Variants in DCAF1 observed in about 807,000 individuals in gnomAD.
The protein encoded by DCAF1 is DDB1- and CUL4-associated factor 1.
Under a neutral mutation model 128.0 loss-of-function variants are expected in DCAF1, and 15 were observed. That is an observed-to-expected ratio of 0.12 (90% CI 0.08 to 0.18). DCAF1 has a LOEUF of 0.18. DCAF1 is among the 10% of genes least tolerant of loss of function. The pLI, the probability that DCAF1 is intolerant of heterozygous loss-of-function variation, is 1.00. For synonymous variants in DCAF1, 610 were observed against 603.0 expected, an observed-to-expected ratio of 1.01 and a Z score of -0.17; for missense variants, 988 against 1,649.5, an observed-to-expected ratio of 0.60 and a Z score of 6.95.
At chr3:51,444,892 G>A (rs375900171) in intron 6 of DCAF1, among the ~76,000 whole-genome samples, 6 of 146,988 alleles carry the variant, frequency 4.1e-5, no homozygotes, top group African/African-American at 1.3e-4. Context: ...AGCCAGGATG[G>A]TCTCGATCTC....
chr3:51,426,870 C>T (rs1282093564), intron 13 of DCAF1, among the ~76,000 whole-genome samples: 1 of 152,170 alleles, frequency 6.6e-6, no homozygotes, highest in African/African-American at 2.4e-5. Context: ...ATAGAACCTA[C>T]CCAGTTTCCT....
intron 6 of DCAF1, among the ~76,000 whole-genome samples, chr3:51,447,380 A>C (rs1701980448): frequency 6.6e-6 from 1 of 152,086 alleles, no homozygotes; most frequent in Admixed American, 6.6e-5. Flanking sequence ...ACTGCACTCC[A>C]ACCTAGGTGA....
At chr3:51,428,235 G>C (rs1700067353) in intron 12 of DCAF1, among the ~76,000 whole-genome samples, 2 of 151,006 alleles carry the variant, frequency 1.3e-5, no homozygotes, top group South Asian at 4.2e-4. Context: ...AGACTGGAGT[G>C]CCATAGCCCG....
intron 18 of DCAF1, among the ~76,000 whole-genome samples, chr3:51,415,958 A>T (rs1209737215): frequency 1.3e-5 from 2 of 151,912 alleles, no homozygotes; most frequent in African/African-American, 2.4e-5. Context: ...ATGTGTCCAA[A>T]ATCCCAGGGC....
At chr3:51,416,994 C>T in intron 17 of DCAF1, 123 bp from the exon 18 acceptor site, 1 of 1,435,826 alleles carries the variant, frequency 7.0e-7, no homozygotes. Flanking sequence ...TCCTGGACTC[C>T]CAAAGAGGAA....
chr3:51,488,587 G>A (rs1707248192), intron 2 of DCAF1, among the ~76,000 whole-genome samples: 1 of 152,196 alleles, frequency 6.6e-6, no homozygotes, highest in Non-Finnish European at 1.5e-5. Flanking sequence ...CAGATCACCT[G>A]AGGTCAGGGG....
chr3:51,403,371 C>T lies in DCAF1; in HGVS notation c.4237G>A (p.Asp1413Asn). ...DQEEEEQEEE[D>N]DDEDDDDTDD... is the part of the protein sequence containing the mutation. Reference sequence around the variant, plus strand: ...GTGTCATCATCATCTTCATCATCATCTTCTTCCTCCTGTTCTTCCTCTTCC... The same window carrying T: ...GTGTCATCATCATCTTCATCATCATTTTCTTCCTCCTGTTCTTCCTCTTCC... Residue 1413 changes from aspartate (D) to asparagine (N), a missense_variant, in exon 24 of 25, where the codon GAT becomes AAT. Asp to Asn is a conservative substitution (Grantham distance 23). Around this residue, in one of 11 missense-constraint regions of DCAF1, gnomAD observed 97 missense variants for 134.5 expected, o/e 0.72. Transcript: ENST00000684031. The T allele has an allele frequency of 6.4e-7, 1 of 1,552,670 alleles. No homozygotes were observed. The highest frequency in any genetic ancestry group is 8.7e-7 in the Non-Finnish European group (1 of 1,147,370).
intron 13 of DCAF1, among the ~76,000 whole-genome samples, chr3:51,425,414 G>A (rs1699812431): frequency 6.6e-6 from 1 of 151,988 alleles, no homozygotes; most frequent in Non-Finnish European, 1.5e-5. Flanking sequence ...GGAGGTTGGA[G>A]TGAGCCAAGA....
At chr3:51,419,404 C>T (rs535519188) in intron 15 of DCAF1, among the ~76,000 whole-genome samples, 1 of 151,910 alleles carries the variant, frequency 6.6e-6, no homozygotes, top group Admixed American at 6.6e-5. Context: ...GATCCCGTAA[C>T]CTTTATGTAA....
At chr3:51,471,482 C>A (rs1410236901) in intron 3 of DCAF1, among the ~76,000 whole-genome samples, 1 of 151,764 alleles carries the variant, frequency 6.6e-6, no homozygotes, top group East Asian at 1.9e-4. Flanking sequence ...CACACCTGGC[C>A]CCCAAACTCA....
At chr3:51,476,683 C>T (rs1267592157) in intron 3 of DCAF1, among the ~76,000 whole-genome samples, 1 of 151,388 alleles carries the variant, frequency 6.6e-6, no homozygotes, top group Non-Finnish European at 1.5e-5. Context: ...CAAGACCATC[C>T]TGGCTAACAC....
intron 4 of DCAF1, among the ~76,000 whole-genome samples, chr3:51,469,221 ATT>A (rs781851604): frequency 4.9e-4 from 57 of 116,714 alleles, no homozygotes; most frequent in African/African-American, 1.7e-3. Context: ...CCACACACAA[ATT>A]TTTTTTTTTT....
At chr3:51,488,760 G>A (rs138944326) in intron 2 of DCAF1, among the ~76,000 whole-genome samples, 2,370 of 151,668 alleles carry the variant, frequency 0.016, 53 homozygotes, top group African/African-American at 0.054. Flanking sequence ...CCAAGATCGC[G>A]CCACTGCACT....
At chr3:51,476,896 A>G (rs1386647000) in intron 3 of DCAF1, among the ~76,000 whole-genome samples, 1 of 151,916 alleles carries the variant, frequency 6.6e-6, no homozygotes, top group African/African-American at 2.4e-5. Context: ...AGCCTGGCCA[A>G]CGTGGTAAAA....
chr3:51,473,595 A>C (rs1296498559), intron 3 of DCAF1, among the ~76,000 whole-genome samples: 1 of 151,436 alleles, frequency 6.6e-6, no homozygotes, highest in East Asian at 1.9e-4. Flanking sequence ...GGCTCACTGA[A>C]GCCTCAACAT....
chr3:51,432,267 T>TAAAAAAAAAAA (rs879192648), intron 10 of DCAF1, among the ~76,000 whole-genome samples: 3 of 99,034 alleles, frequency 3.0e-5, no homozygotes, highest in Non-Finnish European at 5.7e-5. Flanking sequence ...CAAGATTCTG[T>TAAAAAAAAAAA]AAAAAAAAAA....
chr3:51,446,999 T>TAATAATAATAATAATAAAAAA (rs370193180), intron 6 of DCAF1, among the ~76,000 whole-genome samples: 1 of 148,138 alleles, frequency 6.8e-6, no homozygotes, highest in African/African-American at 2.5e-5. Context: ...ATAATAATAA[T>TAATAATAATAATAATAAAAAA]AAAATGTTTT....
intron 7 of DCAF1, among the ~76,000 whole-genome samples, chr3:51,442,274 T>C (rs1399292942): frequency 3.3e-5 from 5 of 152,216 alleles, no homozygotes; most frequent in African/African-American, 1.2e-4. Flanking sequence ...AACTTTTATC[T>C]ACTGTAGGTT....
intron 3 of DCAF1, among the ~76,000 whole-genome samples, chr3:51,475,122 A>C (rs1012382278): frequency 2.0e-5 from 3 of 152,014 alleles, no homozygotes; most frequent in East Asian, 1.9e-4. Context: ...TATAGATAGC[A>C]TCTTGCTATG....
Sources: gnomAD v4.1 joint callset for allele counts (sites outside exome capture counted in the v4.1 genomes callset) on GRCh38, gnomAD v4.1.1 for gene constraint, gnomAD v4.1.1 regional missense constraint, MANE v1.5 for transcripts, NCBI Gene and HGNC (gene_info 2026-07-23, HGNC 2026-07-21) for gene names.